Variants in COMMD1 observed in about 807,000 individuals in gnomAD.
The protein encoded by COMMD1 is COMM domain-containing protein 1.
In COMMD1, 10 loss-of-function variants were observed where a neutral mutation model predicts 17.2. The observed-to-expected ratio is 0.58, with a 90% CI of 0.36 to 0.99. COMMD1 has a LOEUF of 0.99. Among genes scored for constraint, COMMD1 ranks in the 50% least tolerant of loss-of-function variants. The pLI is 0.01. For synonymous variants in COMMD1, 97 were observed against 91.6 expected (o/e 1.06, Z -0.34); for missense variants, 270 against 231.8 (o/e 1.17, Z -1.07).
intron 2 of COMMD1, among the ~76,000 whole-genome samples, chr2:62,042,386 A>G (rs1670242079): frequency 6.6e-6 from 1 of 152,134 alleles, no homozygotes; most frequent in African/African-American, 2.4e-5. Flanking sequence ...CCAAGTCCCT[A>G]CCCAACCCAG....
chr2:61,982,442 T>C (rs1459655347), intron 1 of COMMD1, among the ~76,000 whole-genome samples: 1 of 152,214 alleles, frequency 6.6e-6, no homozygotes. Flanking sequence ...AAGAACAGTT[T>C]GACTTCTTCC....
chr2:62,119,882 A>G (rs1450344017), intron 2 of COMMD1, among the ~76,000 whole-genome samples: 1 of 152,258 alleles, frequency 6.6e-6, no homozygotes, highest in East Asian at 1.9e-4. Flanking sequence ...TCTGTAGATT[A>G]TCATCCTTAG....
At chr2:62,081,900 A>G (rs995786339) in intron 2 of COMMD1, among the ~76,000 whole-genome samples, 1 of 152,152 alleles carries the variant, frequency 6.6e-6, no homozygotes, top group Non-Finnish European at 1.5e-5. Flanking sequence ...TTAGATCTCT[A>G]AAACCATTCT....
intron 2 of COMMD1, among the ~76,000 whole-genome samples, chr2:62,048,618 C>T (rs550417155): frequency 1.3e-5 from 2 of 151,886 alleles, no homozygotes; most frequent in East Asian, 3.9e-4. Context: ...CAAACTCCCT[C>T]AAATTGTATG....
chr2:62,014,146 G>C (rs1187174368), intron 2 of COMMD1, among the ~76,000 whole-genome samples: 1 of 152,206 alleles, frequency 6.6e-6, no homozygotes, highest in Non-Finnish European at 1.5e-5. Context: ...TGGCACTGCT[G>C]AAGTCCTCAG....
rs137906763 is a variant in COMMD1 at position 61,892,510 on chromosome 2, C to T, written n.119+3668C>T. Among the ~76,000 whole-genome samples, 450 of 151,806 alleles carry T rather than the reference C, an allele frequency of 3.0e-3. 1 individual carries two copies. The highest frequency in any genetic ancestry group is 9.4e-3 in the African/African-American group (391 of 41,436). ...GGGATTGAGACCATCCTGGCTAACA[C>T]GGTGAAACCCTGTCTCTACTAAAAA... On this transcript the variant is annotated intron_variant and non_coding_transcript_variant, in intron 1 of 2. Transcript: ENST00000472729.
intron 1 of COMMD1, among the ~76,000 whole-genome samples, chr2:61,981,294 A>G (rs1218956261): frequency 6.6e-6 from 1 of 152,158 alleles, no homozygotes; most frequent in Non-Finnish European, 1.5e-5. Context: ...TCCTAGATTT[A>G]AGTCTCTCAT....
chr2:62,135,518 A>AT (rs1673169970), intron 2 of COMMD1, among the ~76,000 whole-genome samples: 1 of 151,890 alleles, frequency 6.6e-6, no homozygotes, highest in African/African-American at 2.4e-5. Flanking sequence ...CGCCTGGCTA[A>AT]TTTTTTATAT....
intron 1 of COMMD1, among the ~76,000 whole-genome samples, chr2:61,906,207 T>C (rs1669768502): frequency 6.6e-6 from 1 of 152,178 alleles, no homozygotes; most frequent in South Asian, 2.1e-4. Context: ...TCGCTAGCTT[T>C]CCCCGGTTGT....
intron 1 of COMMD1, among the ~76,000 whole-genome samples, chr2:61,985,819 AT>A (rs1215251704): frequency 6.6e-6 from 1 of 151,988 alleles, no homozygotes; most frequent in East Asian, 1.9e-4. Flanking sequence ...TTTATATTTT[AT>A]TGTACTATGT....
chr2:61,938,822 G>T (rs186331578), intron 1 of COMMD1, among the ~76,000 whole-genome samples: 10 of 152,166 alleles, frequency 6.6e-5, no homozygotes, highest in African/African-American at 2.4e-4. Flanking sequence ...TAAGTAATGA[G>T]AAATAAATAA....
At chr2:62,064,451 G>A (rs1334308336) in intron 2 of COMMD1, among the ~76,000 whole-genome samples, 1 of 152,200 alleles carries the variant, frequency 6.6e-6, no homozygotes, top group African/African-American at 2.4e-5. Flanking sequence ...TGGGATTATA[G>A]GCATGTGCCA....
chr2:62,113,277 A>G (rs767180600), intron 2 of COMMD1, among the ~76,000 whole-genome samples: 9 of 152,112 alleles, frequency 5.9e-5, no homozygotes, highest in Non-Finnish European at 1.2e-4. Context: ...ACTTGAGCCC[A>G]GGAGATCGAG....
intron 2 of COMMD1, among the ~76,000 whole-genome samples, chr2:62,037,709 A>C (rs537234851): frequency 1.3e-5 from 2 of 152,344 alleles, no homozygotes; most frequent in South Asian, 4.1e-4. Context: ...CTCTGGCCCT[A>C]ATAGCCATTT....
chr2:62,063,765 TA>T (rs1670942163), intron 2 of COMMD1, among the ~76,000 whole-genome samples: 1 of 150,934 alleles, frequency 6.6e-6, no homozygotes, highest in Admixed American at 6.6e-5. Context: ...ATAGTGATTA[TA>T]TTTTCATTTC....
At chr2:62,087,820 G>A (rs1291295464) in intron 2 of COMMD1, among the ~76,000 whole-genome samples, 1 of 152,196 alleles carries the variant, frequency 6.6e-6, no homozygotes, top group Non-Finnish European at 1.5e-5. Flanking sequence ...TAGTCCATAT[G>A]TTAGTAGGGA....
At chr2:62,073,044 C>A (rs1367112986) in intron 2 of COMMD1, among the ~76,000 whole-genome samples, 1 of 152,230 alleles carries the variant, frequency 6.6e-6, no homozygotes, top group African/African-American at 2.4e-5. Flanking sequence ...GGCAAAGTGG[C>A]ACTGAAAGAA....
At chr2:61,908,034 T>TG (rs1669815464) in intron 1 of COMMD1, among the ~76,000 whole-genome samples, 1 of 152,038 alleles carries the variant, frequency 6.6e-6, no homozygotes, top group South Asian at 2.1e-4. Flanking sequence ...CCAGGATACT[T>TG]GAAGTTTTCA....
At chr2:62,131,335 G>A (rs1673029325) in intron 2 of COMMD1, among the ~76,000 whole-genome samples, 1 of 152,112 alleles carries the variant, frequency 6.6e-6, no homozygotes, top group South Asian at 2.1e-4. Flanking sequence ...AAAGAAGCTA[G>A]TTTGATTCTT....
Sources: gnomAD v4.1 joint callset for allele counts (sites outside exome capture counted in the v4.1 genomes callset) on GRCh38, gnomAD v4.1.1 for gene constraint, MANE v1.5 for transcripts, NCBI Gene and HGNC (gene_info 2026-07-23, HGNC 2026-07-21) for gene names.